The following GABRB1 variants were observed in gnomAD, a reference collection of about 807,000 sequenced individuals.
The protein encoded by GABRB1 is gamma-aminobutyric acid receptor subunit beta-1.
A neutral mutation model predicts 51.6 loss-of-function variants in GABRB1; 17 were observed. That is an observed-to-expected ratio of 0.33 (90% CI 0.23 to 0.49). GABRB1 has a LOEUF of 0.49. Among genes scored for constraint, GABRB1 ranks in the 20% least tolerant of loss-of-function variants. The pLI is 0.99. For synonymous variants in GABRB1, 247 were observed against 218.9 expected, an observed-to-expected ratio of 1.13 and a Z score of -1.14; for missense variants, 410 against 600.6, an observed-to-expected ratio of 0.68 and a Z score of 3.32.
chr4:47,083,796 CAAT>C (rs1727952541), intron 3 of GABRB1, among the ~76,000 whole-genome samples: 1 of 152,074 alleles, frequency 6.6e-6, no homozygotes, highest in African/African-American at 2.4e-5. Flanking sequence ...TAGTCCAACT[CAAT>C]AATTGTTCTG....
At chr4:47,358,028 C>T (rs1013038791) in intron 5 of GABRB1, among the ~76,000 whole-genome samples, 1 of 152,130 alleles carries the variant, frequency 6.6e-6, no homozygotes, top group Non-Finnish European at 1.5e-5. Context: ...AAAACCTCAT[C>T]ACACCCCCTT....
intron 3 of GABRB1, among the ~76,000 whole-genome samples, chr4:47,134,947 T>C (rs947644682): frequency 1.9e-4 from 29 of 152,098 alleles, no homozygotes; most frequent in African/African-American, 6.5e-4. Flanking sequence ...TGAGACTTCA[T>C]CGCTACTTAA....
At chr4:47,028,870 A>G (rs187645500), upstream of GABRB1, among the ~76,000 whole-genome samples, 1 of 146,058 alleles carries the variant, frequency 6.8e-6, no homozygotes, top group East Asian at 2.1e-4. Context: ...TGGTATATAT[A>G]CCATATATAT....
intron 3 of GABRB1, among the ~76,000 whole-genome samples, chr4:47,099,032 C>T (rs1714600231): frequency 6.6e-6 from 1 of 152,052 alleles, no homozygotes; most frequent in African/African-American, 2.4e-5. Context: ...GTTCTGACTT[C>T]TAGGGTAATA....
intron 4 of GABRB1, among the ~76,000 whole-genome samples, chr4:47,251,851 G>A (rs369474379): frequency 6.6e-6 from 1 of 152,224 alleles, no homozygotes; most frequent in Middle Eastern, 3.4e-3. Flanking sequence ...CCACCTAACA[G>A]CCCTGAGTCT....
At chr4:47,176,393 T>C (rs1016632665) in intron 4 of GABRB1, among the ~76,000 whole-genome samples, 6 of 151,986 alleles carry the variant, frequency 3.9e-5, no homozygotes, top group African/African-American at 1.5e-4. Flanking sequence ...TAGATGTGGG[T>C]TGTGAAAAAA....
rs1475972555 is a variant in GABRB1, at chr4:47,376,634, G to A, written c.545-26684G>A. 4.6e-5 allele frequency among the ~76,000 whole-genome samples: 7 copies of A among 152,156 alleles called. 1 individual carries two copies. Among genetic ancestry groups the A allele is most frequent in the South Asian group, 2.1e-4 (1 of 4,828 alleles). Reference sequence around the variant, plus strand: ...TGCACTCCAGCCTGGGCGACTGAGCGAGACTCCGTCTTAAAAACAAAAAAC... The same window carrying A: ...TGCACTCCAGCCTGGGCGACTGAGCAAGACTCCGTCTTAAAAACAAAAAAC... On this transcript the variant is annotated intron_variant, in intron 5 of 8. Transcript: ENST00000295454.
chr4:47,280,519 T>C (rs1180585196), intron 4 of GABRB1, among the ~76,000 whole-genome samples: 2 of 151,062 alleles, frequency 1.3e-5, no homozygotes, highest in Admixed American at 1.3e-4. Flanking sequence ...TACTTAGCAA[T>C]CTTTTCTTTC....
chr4:47,120,114 GAC>G (rs1264857682), intron 3 of GABRB1, among the ~76,000 whole-genome samples: 2 of 151,960 alleles, frequency 1.3e-5, no homozygotes, highest in Non-Finnish European at 2.9e-5. Context: ...TATAAAAAGA[GAC>G]AAAAAAGTTA....
chr4:47,224,708 A>C (rs1454696613), intron 4 of GABRB1, among the ~76,000 whole-genome samples: 2 of 152,168 alleles, frequency 1.3e-5, no homozygotes, highest in Non-Finnish European at 2.9e-5. Context: ...TTTAAAAGAC[A>C]GCTCAGAGGA....
chr4:47,305,650 T>C (rs998144487), intron 4 of GABRB1, among the ~76,000 whole-genome samples: 7 of 152,114 alleles, frequency 4.6e-5, no homozygotes, highest in African/African-American at 1.7e-4. Flanking sequence ...ATGAGAAATG[T>C]GGAGAAATAT....
intron 4 of GABRB1, among the ~76,000 whole-genome samples, chr4:47,301,813 C>A (rs1320092004): frequency 6.6e-6 from 1 of 152,002 alleles, no homozygotes; most frequent in Non-Finnish European, 1.5e-5. Context: ...TGGCCAGTAT[C>A]CACAGGGCAA....
chr4:47,388,537 G>T (rs536910089), intron 5 of GABRB1, among the ~76,000 whole-genome samples: 2 of 152,290 alleles, frequency 1.3e-5, no homozygotes, highest in East Asian at 3.9e-4. Context: ...TTCTATGATC[G>T]CAAATCTGGG....
At chr4:47,415,531 ATTC>A (rs1206900979) in intron 8 of GABRB1, among the ~76,000 whole-genome samples, 2 of 152,154 alleles carry the variant, frequency 1.3e-5, no homozygotes, top group Admixed American at 1.3e-4. Flanking sequence ...GCAGAAGTCA[ATTC>A]TTCTCACCAG....
In GABRB1 at chr4:47,417,324, G is replaced by T. The variant is rs147110084; in HGVS notation, c.1081-8350G>T. ...TGAATAATATAATTTATTTGTCTTA[G>T]ATTTATGTACATTTGCACTTAATCT... On this transcript the variant is annotated intron_variant, in intron 8 of 8. Coordinates refer to ENST00000295454, the MANE Select transcript of GABRB1 (RefSeq NM_000812.4). 4.0e-3 allele frequency among the ~76,000 whole-genome samples: 608 copies of T among 151,658 alleles called. 2 individuals carry two copies. The highest frequency in any genetic ancestry group is 6.8e-3 in the Middle Eastern group (2 of 294).
chr4:47,364,546 G>T (rs1164746940), intron 5 of GABRB1, among the ~76,000 whole-genome samples: 2 of 151,156 alleles, frequency 1.3e-5, no homozygotes, highest in East Asian at 3.9e-4. Context: ...AAAATTTCAG[G>T]CTGAAAATGG....
intron 4 of GABRB1, among the ~76,000 whole-genome samples, chr4:47,300,711 A>G (rs915219938): frequency 1.3e-5 from 2 of 152,036 alleles, no homozygotes; most frequent in Non-Finnish European, 2.9e-5. Context: ...GCACAAAGAC[A>G]CTTAGTGTGC....
rs56335154 is a variant in GABRB1, at chr4:47,404,489, G to GCACACACA, written c.835+811_835+818dup. ...CTGGGGCTAATTCTCACACACGCAT[G>GCACACACA]CACACACACACACACACACACACAC... On this transcript the variant is annotated intron_variant, in intron 7 of 8. Transcript: ENST00000295454. Among the ~76,000 whole-genome samples, 915 of 145,638 alleles carry GCACACACA rather than the reference G, an allele frequency of 6.3e-3. 4 individuals carry two copies. The highest frequency in any genetic ancestry group is 0.02 in the Admixed American group (286 of 14,352).
intron 4 of GABRB1, among the ~76,000 whole-genome samples, chr4:47,311,393 C>T (rs189952326): frequency 3.0e-5 from 4 of 132,228 alleles, no homozygotes; most frequent in East Asian, 2.2e-4. Flanking sequence ...GCCTGGATAA[C>T]GGAGCGAGAC....
Sources: allele counts gnomAD v4.1 joint callset (sites outside exome capture counted in the v4.1 genomes callset), GRCh38; gene constraint gnomAD v4.1.1; transcripts MANE v1.5; gene names NCBI Gene and HGNC (gene_info 2026-07-23, HGNC 2026-07-21).